The following NEGR1 variants were observed in gnomAD, a reference collection of about 807,000 sequenced individuals.
The protein encoded by NEGR1 is neuronal growth regulator 1, also known as IgLON family member 4.
Under a neutral mutation model 40.9 loss-of-function variants are expected in NEGR1, and 10 were observed. That is an observed-to-expected ratio of 0.24 (90% CI 0.15 to 0.42). The LOEUF is 0.42. Among genes scored for constraint, NEGR1 ranks in the 10% least tolerant of loss-of-function variants. The probability of loss-of-function intolerance (pLI) is 1.00; values close to 1 mark genes in which losing one functional copy is unlikely to be tolerated. For synonymous variants in NEGR1, 185 were observed against 166.8 expected, an observed-to-expected ratio of 1.11 and a Z score of -0.84; for missense variants, 352 against 438.9, an observed-to-expected ratio of 0.80 and a Z score of 1.77.
At chr1:72,119,839 A>T (rs2100287908) in intron 1 of NEGR1, among the ~76,000 whole-genome samples, 1 of 152,094 alleles carries the variant, frequency 6.6e-6, no homozygotes, top group African/African-American at 2.4e-5. Flanking sequence ...AATATCTTCA[A>T]AGAAGGCTTC....
intron 2 of NEGR1, among the ~76,000 whole-genome samples, chr1:71,926,378 C>T (rs143271755): frequency 1.3e-5 from 2 of 150,704 alleles, no homozygotes; most frequent in Non-Finnish European, 3.0e-5. Flanking sequence ...GGCAACATTT[C>T]TCCTCATCAA....
At chr1:71,492,533 C>T (rs922920078) in intron 6 of NEGR1, among the ~76,000 whole-genome samples, 1 of 152,030 alleles carries the variant, frequency 6.6e-6, no homozygotes, top group African/African-American at 2.4e-5. Context: ...CTTACGGCTC[C>T]TGGTTCAGCT....
chr1:71,756,417 AAAAAAAC>A (rs1328861083), intron 3 of NEGR1, among the ~76,000 whole-genome samples: 14 of 151,514 alleles, frequency 9.2e-5, no homozygotes, highest in South Asian at 4.2e-4. Context: ...CAAACAAAAA[AAAAAAAC>A]CAAAAAAAAC....
chr1:72,126,377 T>C (rs1650025146), intron 1 of NEGR1, among the ~76,000 whole-genome samples: 1 of 151,910 alleles, frequency 6.6e-6, no homozygotes. Context: ...TAATGGAATC[T>C]AGATGGATAC....
chr1:72,234,361 C>G (rs1195432444), intron 1 of NEGR1, among the ~76,000 whole-genome samples: 1 of 151,920 alleles, frequency 6.6e-6, no homozygotes, highest in East Asian at 1.9e-4. Flanking sequence ...GACACGTGAA[C>G]TGGCAAAAAT....
chr1:72,056,203 T>C (rs1457724907), intron 1 of NEGR1, among the ~76,000 whole-genome samples: 3 of 151,318 alleles, frequency 2.0e-5, no homozygotes, highest in African/African-American at 4.8e-5. Context: ...CTTACTACTC[T>C]TAAGAAGTTA....
chr1:71,771,699 C>CAAAAAAA (rs60830449), intron 3 of NEGR1, among the ~76,000 whole-genome samples: 3,582 of 12,058 alleles, frequency 0.3, 1,358 homozygotes, highest in Middle Eastern at 0.92. Flanking sequence ...GACTTAGTCT[C>CAAAAAAA]AAAAAAAAAA....
chr1:71,912,125 A>G (rs1820419), intron 2 of NEGR1, among the ~76,000 whole-genome samples: 17,403 of 152,134 alleles, frequency 0.11, 1,210 homozygotes, highest in Admixed American at 0.21. Flanking sequence ...TCTTGCAATT[A>G]TGTATGTTAA....
intron 4 of NEGR1, among the ~76,000 whole-genome samples, chr1:71,620,121 A>T (rs1650564195): frequency 6.6e-6 from 1 of 152,058 alleles, no homozygotes; most frequent in South Asian, 2.1e-4. Context: ...GATTATGAAC[A>T]CGCCATGTTA....
Position 71,805,510 on chromosome 1 carries a change from G to A in NEGR1, c.410-29213C>T, listed in dbSNP as rs551514918. Among the ~76,000 whole-genome samples the A allele has an allele frequency of 9.9e-5, 15 of 152,216 alleles. 1 individual carries two copies. In the South Asian group the frequency reaches 2.1e-3, roughly 21 times the overall value. On this transcript the variant is annotated intron_variant, in intron 2 of 6. Transcript: ENST00000357731. ...TTAGGGAAAATAGATAAGAACCTAC[G>A]TGAAACATCGGGGCTGAATTTCGCC... is the stretch of plus-strand genomic sequence containing the variant.
At chr1:71,502,497 G>A (rs1647006113) in intron 6 of NEGR1, among the ~76,000 whole-genome samples, 1 of 152,102 alleles carries the variant, frequency 6.6e-6, no homozygotes, top group Non-Finnish European at 1.5e-5. Context: ...TCCATTCTTT[G>A]GATTTGGATG....
intron 1 of NEGR1, among the ~76,000 whole-genome samples, chr1:72,139,570 T>C (rs1404395554): frequency 6.6e-6 from 1 of 151,976 alleles, no homozygotes; most frequent in Non-Finnish European, 1.5e-5. Flanking sequence ...AGAAACAAAA[T>C]ATGAAAGCAC....
chr1:72,258,327 TA>T (rs764355764), intron 1 of NEGR1, among the ~76,000 whole-genome samples: 1 of 152,170 alleles, frequency 6.6e-6, no homozygotes, highest in Admixed American at 6.5e-5. Context: ...GAAATATCAA[TA>T]GCCCTGAAAT....
chr1:71,640,612 C>A (rs1489259200), intron 4 of NEGR1, among the ~76,000 whole-genome samples: 1 of 151,988 alleles, frequency 6.6e-6, no homozygotes, highest in Non-Finnish European at 1.5e-5. Context: ...AAATAAAGTT[C>A]TTTATTAATA....
At chr1:71,555,167 AATT>A (rs781509180) in intron 6 of NEGR1, among the ~76,000 whole-genome samples, 7 of 151,504 alleles carry the variant, frequency 4.6e-5, no homozygotes, top group Admixed American at 1.3e-4. Context: ...CCTCACTCCC[AATT>A]AGAAATTGCC....
intron 1 of NEGR1, among the ~76,000 whole-genome samples, chr1:71,990,918 AT>A (rs57277556): frequency 0.056 from 5,842 of 104,220 alleles, 252 homozygotes; most frequent in African/African-American, 0.13. Context: ...ATATATATAT[AT>A]TTTTTTTTTA....
At chr1:72,237,263 A>G (rs1654579379) in intron 1 of NEGR1, among the ~76,000 whole-genome samples, 1 of 152,004 alleles carries the variant, frequency 6.6e-6, no homozygotes. Flanking sequence ...TCATTTATAG[A>G]TTAGCAGGAA....
intron 1 of NEGR1, among the ~76,000 whole-genome samples, chr1:71,965,476 G>A (rs1011235822): frequency 6.6e-6 from 1 of 152,148 alleles, no homozygotes; most frequent in African/African-American, 2.4e-5. Context: ...CTGGATTTGT[G>A]TAATGCAGTG....
At chr1:71,522,726 C>T (rs1009012342) in intron 6 of NEGR1, among the ~76,000 whole-genome samples, 1 of 93,458 alleles carries the variant, frequency 1.1e-5, no homozygotes, top group Non-Finnish European at 2.5e-5. Flanking sequence ...CTCTACCCCC[C>T]CCTTACACAC....
Sources: gnomAD v4.1 joint callset for allele counts (sites outside exome capture counted in the v4.1 genomes callset) on GRCh38, gnomAD v4.1.1 for gene constraint, MANE v1.5 for transcripts, NCBI Gene and HGNC (gene_info 2026-07-23, HGNC 2026-07-21) for gene names.